MAPKAPK3: variants seen among roughly 807,000 people sequenced by gnomAD.
MAPKAPK3 encodes the protein MAP kinase-activated protein kinase 3.
A neutral mutation model predicts 49.2 loss-of-function variants in MAPKAPK3; 35 were observed. That is an observed-to-expected ratio of 0.71 (90% confidence interval 0.54 to 0.94). MAPKAPK3 has a LOEUF of 0.94. Among genes scored for constraint, MAPKAPK3 ranks in the 40% least tolerant of loss-of-function variants. The pLI is 0.00. For missense variants in MAPKAPK3, 398 were observed against 493.1 expected, an observed-to-expected ratio of 0.81 and a Z score of 1.83; for synonymous variants, 178 against 188.7, an observed-to-expected ratio of 0.94 and a Z score of 0.46.
chr3:50,611,555 G>C, upstream of MAPKAPK3: 1 of 1,522,712 alleles, frequency 6.6e-7, no homozygotes, highest in Non-Finnish European at 8.8e-7. Flanking sequence ...CCCAATGCCC[G>C]GCAGCTAGCA....
Position 50,617,225 on chromosome 3 carries a change from A to G in MAPKAPK3, c.-69A>G, listed in dbSNP as rs567781237. 56 of 207,106 alleles carry G rather than the reference A, an allele frequency of 2.7e-4. No individual in the cohort carries two copies. In the South Asian group the frequency reaches 7.3e-3, roughly 27 times the overall value. The allele number at this position is 207,106 out of a possible 1,614,324, so 12.8% of individuals were successfully genotyped here. On this transcript the variant is annotated 5_prime_UTR_variant, in exon 1 of 11. Transcript: ENST00000621469. The stretch of plus-strand genomic sequence containing the variant: ...CCTGCCCCTCGCCGGTACCTCAGCA[A>G]GGTGCGTTGCCGCCAGGTACGCCCT...
intron 2 of MAPKAPK3, among the ~76,000 whole-genome samples, chr3:50,618,113 G>T (rs888120269): frequency 2.6e-5 from 4 of 152,232 alleles, no homozygotes; most frequent in Non-Finnish European, 4.4e-5. Flanking sequence ...GGGATCTCTT[G>T]TTCAGCTTGG....
intron 8 of MAPKAPK3, 148 bp downstream of exon 8, chr3:50,646,412 T>G (rs2033298356): frequency 8.9e-7 from 1 of 1,126,332 alleles, no homozygotes. Context: ...TCCCCTAACC[T>G]TCTTGAGCCT....
chr3:50,641,196 C>T (rs1337168937), intron 3 of MAPKAPK3, among the ~76,000 whole-genome samples: 1 of 152,192 alleles, frequency 6.6e-6, no homozygotes, highest in Non-Finnish European at 1.5e-5. Flanking sequence ...ATTCAATCTG[C>T]ATGACTATGG....
chr3:50,637,473 A>G (rs1480250072), intron 2 of MAPKAPK3, among the ~76,000 whole-genome samples: 1 of 152,034 alleles, frequency 6.6e-6, no homozygotes, highest in Non-Finnish European at 1.5e-5. Context: ...CATCTCCACT[A>G]AAAATGCAAA....
intron 2 of MAPKAPK3, among the ~76,000 whole-genome samples, chr3:50,621,821 G>C (rs1282490060): frequency 6.6e-6 from 1 of 152,156 alleles, no homozygotes; most frequent in African/African-American, 2.4e-5. Context: ...AGACATAATG[G>C]TGGGGTCTTC....
chr3:50,643,791 C>A (rs1053475019), intron 5 of MAPKAPK3, among the ~76,000 whole-genome samples: 1 of 152,082 alleles, frequency 6.6e-6, no homozygotes, highest in African/African-American at 2.4e-5. Flanking sequence ...TCTACCCCGG[C>A]TCTGCTTGGG....
chr3:50,617,102 G>A (rs2032483653), upstream of MAPKAPK3: 1 of 90,116 alleles, frequency 1.1e-5, no homozygotes, highest in Non-Finnish European at 2.5e-5. Context: ...GGGAGTGGGG[G>A]AGGGGGGGGT....
chr3:50,631,604 C>CCAG (rs2032912424), intron 2 of MAPKAPK3, among the ~76,000 whole-genome samples: 1 of 152,232 alleles, frequency 6.6e-6, no homozygotes, highest in Non-Finnish European at 1.5e-5. Context: ...ATAAATTCTG[C>CCAG]TATTCCAGTG....
chr3:50,637,288 C>T (rs1053345653), intron 2 of MAPKAPK3, among the ~76,000 whole-genome samples: 2 of 152,328 alleles, frequency 1.3e-5, no homozygotes, highest in African/African-American at 4.8e-5. Context: ...GTGAACTTGA[C>T]CTGCCTCTGC....
intron 2 of MAPKAPK3, among the ~76,000 whole-genome samples, chr3:50,633,956 GC>G (rs1469423922): frequency 1.3e-5 from 2 of 152,196 alleles, no homozygotes; most frequent in African/African-American, 4.8e-5. Flanking sequence ...CTGTTTTGAG[GC>G]CCCCACATTC....
chr3:50,641,468 C>G (rs184539408), intron 3 of MAPKAPK3, among the ~76,000 whole-genome samples: 1 of 152,328 alleles, frequency 6.6e-6, no homozygotes. Context: ...ACACAGGCTT[C>G]TTGGCAGGGA....
intron 7 of MAPKAPK3, 107 bp from the exon 8 acceptor site, chr3:50,646,033 C>G: frequency 7.1e-7 from 1 of 1,402,888 alleles, no homozygotes; most frequent in Non-Finnish European, 9.8e-7. Flanking sequence ...GGTATTATTG[C>G]TATGGTGTCT....
chr3:50,634,652 C>G (rs538284129), intron 2 of MAPKAPK3, among the ~76,000 whole-genome samples: 1 of 152,252 alleles, frequency 6.6e-6, no homozygotes, highest in East Asian at 1.9e-4. Flanking sequence ...CCACACCCAG[C>G]TAATTTTTTT....
upstream of MAPKAPK3, chr3:50,612,869 C>A (rs552979786): frequency 6.6e-6 from 1 of 152,162 alleles, no homozygotes; most frequent in Non-Finnish European, 1.5e-5. Context: ...TGCATTTGAT[C>A]CTCTACAACT....
intron 2 of MAPKAPK3, among the ~76,000 whole-genome samples, chr3:50,626,013 C>T (rs901330314): frequency 1.7e-4 from 26 of 152,180 alleles, no homozygotes; most frequent in Non-Finnish European, 2.9e-4. Context: ...TGTCAGCAGC[C>T]TTGGCAGTCA....
intron 2 of MAPKAPK3, among the ~76,000 whole-genome samples, chr3:50,636,723 G>A (rs2033048618): frequency 6.6e-6 from 1 of 152,194 alleles, no homozygotes; most frequent in Non-Finnish European, 1.5e-5. Flanking sequence ...GGACCACATT[G>A]AGGGGAGGCC....
chr3:50,644,403 G>A lies in MAPKAPK3; in HGVS notation c.505-6G>A. On this transcript the variant is annotated splice_region_variant and splice_polypyrimidine_tract_variant and intron_variant, in intron 5 of 10. Coordinates refer to ENST00000621469, the MANE Select transcript of MAPKAPK3 (RefSeq NM_001243925.2). ...TCCAAACCAATGTTTTCTCTTTCTG[G>A]CCCAGCCTGAAAACCTACTCTACAC... 2 of 1,613,892 alleles carry A rather than the reference G, an allele frequency of 1.2e-6. No homozygotes were observed. Among genetic ancestry groups the A allele is most frequent in the Non-Finnish European group, 1.7e-6 (2 of 1,179,848 alleles).
intron 2 of MAPKAPK3, among the ~76,000 whole-genome samples, chr3:50,634,420 A>AACAT (rs1468461814): frequency 6.6e-6 from 1 of 151,948 alleles, no homozygotes; most frequent in Non-Finnish European, 1.5e-5. Flanking sequence ...GAGCTCAGGG[A>AACAT]ACATAGGAGA....
Sources: allele counts gnomAD v4.1 joint callset (sites outside exome capture counted in the v4.1 genomes callset), GRCh38; gene constraint gnomAD v4.1.1; transcripts MANE v1.5; gene names NCBI Gene and HGNC (gene_info 2026-07-23, HGNC 2026-07-21).